RP1: variants seen among roughly 807,000 people sequenced by gnomAD.
RP1 encodes the protein oxygen-regulated protein 1.
In RP1, 16 loss-of-function variants were observed where a neutral mutation model predicts 14.8. The ratio of observed to expected loss-of-function variants is 1.08; its 90% CI spans 0.73 to 1.65. RP1 has a LOEUF of 1.65. Ranked by LOEUF, RP1 falls within the 40% of genes most tolerant of loss-of-function variation. RP1 has a pLI of 0.00. For synonymous variants in RP1, 876 were observed against 883.6 expected (o/e 0.99, Z 0.15); for missense variants, 2,631 against 2,535.0 (o/e 1.04, Z -0.81).
chr8:54,740,093 G>A (rs946031713), intron 19 of RP1, among the ~76,000 whole-genome samples: 1 of 148,214 alleles, frequency 6.7e-6, no homozygotes, highest in Non-Finnish European at 1.5e-5. Context: ...TACATATAAT[G>A]CCATATACTT....
chr8:54,851,747 A>G (rs1812065659), intron 25 of RP1, among the ~76,000 whole-genome samples: 1 of 152,204 alleles, frequency 6.6e-6, no homozygotes, highest in Admixed American at 6.5e-5. Flanking sequence ...TTGTCTTTAT[A>G]AAGGTCAGGC....
At position 54,869,218 on chromosome 8, in the gene RP1, G is replaced by T. The variant is rs116428701; in HGVS notation, c.4152-625G>T. Among the ~76,000 whole-genome samples the T allele has an allele frequency of 2.0e-3, 308 of 152,226 alleles. 2 individuals are homozygous for T. The highest frequency in any genetic ancestry group is 6.8e-3 in the African/African-American group (284 of 41,540). ...TCAAAATATATTTGACTCTAGAACT[G>T]TACTGTCTCACATGGGAGCCACAAG... On this transcript the variant is annotated intron_variant, in intron 28 of 28. Transcript: ENST00000637698.
intron 24 of RP1, among the ~76,000 whole-genome samples, chr8:54,802,925 G>A (rs772016719): frequency 6.6e-6 from 1 of 152,166 alleles, no homozygotes; most frequent in East Asian, 1.9e-4. Flanking sequence ...ATCAGGGTGT[G>A]CTGGATGTGT....
At position 54,626,833 on chromosome 8, in the gene RP1, A is replaced by G. The variant is rs200135800; in HGVS notation, c.2951A>G (p.Asp984Gly). 105 of 1,613,866 alleles carry G rather than the reference A, an allele frequency of 6.5e-5. No homozygotes were observed. The East Asian group carries it at 2.2e-3, about 34-fold the overall frequency. Residue 984 changes from aspartate to glycine, a missense_variant, in exon 4 of 4, where the codon GAT becomes GGT. Physicochemically the swap from Asp to Gly is moderately conservative, Grantham distance 94. Transcript: ENST00000220676. ...HITKIAGLTG[D>G]NLCKEGDKSF... ...ACTAAAATTGCCGGTTTGACAGGAG[A>G]TAATCTATGTAAAGAGGGAGATAAG...
At chr8:54,565,368 C>A (rs1017382666) in intron 1 of RP1, among the ~76,000 whole-genome samples, 1 of 152,140 alleles carries the variant, frequency 6.6e-6, no homozygotes, top group Non-Finnish European at 1.5e-5. Context: ...AGTTCGAGAC[C>A]AGCCTGGCCA....
In RP1 at chr8:54,688,241, C is replaced by A. The variant is rs530262182; in HGVS notation, c.1717+8308C>A. 2.0e-5 allele frequency among the ~76,000 whole-genome samples: 3 copies of A among 151,842 alleles called. No individual in the cohort carries two copies. The East Asian group carries it at 5.8e-4, about 30-fold the overall frequency. Reference sequence around the variant, plus strand: ...TTTGTTAGATGGGTAGATTGCAAAACTTTTCTCCCATTCTGTAGGTGGCCT... The same window carrying A: ...TTTGTTAGATGGGTAGATTGCAAAAATTTTCTCCCATTCTGTAGGTGGCCT... On this transcript the variant is annotated intron_variant, in intron 12 of 22. Transcript: ENST00000636932.
chr8:54,864,315 G>A (rs998844784), intron 27 of RP1, among the ~76,000 whole-genome samples: 1 of 152,046 alleles, frequency 6.6e-6, no homozygotes, highest in African/African-American at 2.4e-5. Flanking sequence ...TCCAAATTTA[G>A]GAGTTTAATA....
intron 14 of RP1, among the ~76,000 whole-genome samples, chr8:54,703,647 C>A (rs1200010729): frequency 6.6e-6 from 1 of 152,174 alleles, no homozygotes; most frequent in Non-Finnish European, 1.5e-5. Flanking sequence ...TCCTTTGAAG[C>A]TTTGAAGCCA....
rs901213184 is a variant in RP1, at chr8:54,855,983, C to A, written c.3991-1045C>A. Among the ~76,000 whole-genome samples the A allele has an allele frequency of 2.0e-5, 3 of 147,960 alleles. No homozygotes were observed. The East Asian group carries it at 5.9e-4, about 29-fold the overall frequency. ...CACACACACACACACCCCCTATAACCCAGCTGTTTCCCAACATAAATATAT... is the reference window on the plus strand; with the variant it reads ...CACACACACACACACCCCCTATAACACAGCTGTTTCCCAACATAAATATAT... On this transcript the variant is annotated intron_variant, in intron 26 of 28. Coordinates refer to the RP1 transcript ENST00000637698.
At chr8:54,815,962 T>C (rs540272681) in intron 24 of RP1, among the ~76,000 whole-genome samples, 257 of 152,330 alleles carry the variant, frequency 1.7e-3, no homozygotes, top group Non-Finnish European at 2.9e-3. Flanking sequence ...TGTAGCACAC[T>C]GATGTATCCC....
chr8:54,829,226 T>C (rs1233375344), intron 24 of RP1, among the ~76,000 whole-genome samples: 1 of 152,186 alleles, frequency 6.6e-6, no homozygotes, highest in African/African-American at 2.4e-5. Context: ...AGATAGGAAG[T>C]GGATTTGGTT....
At chr8:54,691,961 C>T (rs547733431) in intron 12 of RP1, among the ~76,000 whole-genome samples, 7 of 151,976 alleles carry the variant, frequency 4.6e-5, no homozygotes, top group Admixed American at 1.3e-4. Context: ...TGCTGTCGCT[C>T]CCCCCTCCCC....
intron 24 of RP1, among the ~76,000 whole-genome samples, chr8:54,819,082 T>G (rs1337340060): frequency 6.6e-6 from 1 of 152,100 alleles, no homozygotes; most frequent in Non-Finnish European, 1.5e-5. Flanking sequence ...TCTTCCTCCT[T>G]TTTAAGACCA....
intron 25 of RP1, among the ~76,000 whole-genome samples, chr8:54,847,514 G>A (rs1031639808): frequency 1.3e-5 from 2 of 152,226 alleles, no homozygotes; most frequent in Admixed American, 1.3e-4. Flanking sequence ...ATGGTAGAAA[G>A]CAGGGCTTTG....
At chr8:54,565,377 C>T (rs1563313630) in intron 1 of RP1, among the ~76,000 whole-genome samples, 1 of 152,118 alleles carries the variant, frequency 6.6e-6, no homozygotes, top group Non-Finnish European at 1.5e-5. Flanking sequence ...CCAGCCTGGC[C>T]AACAGGGCGA....
chr8:54,648,962 G>T, intron 3 of RP1: 1 of 1,476,692 alleles, frequency 6.8e-7, no homozygotes, highest in Non-Finnish European at 8.9e-7. Context: ...CCATAATGCT[G>T]TATGTTATTT....
intron 19 of RP1, among the ~76,000 whole-genome samples, chr8:54,743,255 A>G (rs1809143846): frequency 6.6e-6 from 1 of 152,164 alleles, no homozygotes; most frequent in African/African-American, 2.4e-5. Context: ...GTGTGTTTAT[A>G]TGTATGTCTT....
At chr8:54,759,082 G>A (rs1413175101) in intron 22 of RP1, 1 of 1,531,898 alleles carries the variant, frequency 6.5e-7, no homozygotes, top group African/African-American at 1.4e-5. Flanking sequence ...CAAAGGTAAT[G>A]CTGGTCTCCA....
chr8:54,563,624 C>T (rs1207191746), intron 1 of RP1, among the ~76,000 whole-genome samples: 8 of 152,080 alleles, frequency 5.3e-5, no homozygotes, highest in South Asian at 2.1e-4. Context: ...TAGCTCACTA[C>T]AGCCTTGAAT....
Sources: allele counts gnomAD v4.1 joint callset (sites outside exome capture counted in the v4.1 genomes callset), GRCh38; gene constraint gnomAD v4.1.1; transcripts MANE v1.5; gene names NCBI Gene and HGNC (gene_info 2026-07-23, HGNC 2026-07-21).